The following SPON1 variants were observed in gnomAD, a reference collection of about 807,000 sequenced individuals.
The protein encoded by SPON1 is spondin-1.
In SPON1, 52 loss-of-function variants were observed where a neutral mutation model predicts 111.7. That is an observed-to-expected ratio of 0.47 (90% CI 0.37 to 0.59). The LOEUF is 0.59. Among genes scored for constraint, SPON1 ranks in the 20% least tolerant of loss-of-function variants. SPON1 has a pLI of 0.00. For synonymous variants in SPON1, 410 were observed against 395.8 expected (o/e 1.04, Z -0.43); for missense variants, 957 against 1,068.5 (o/e 0.90, Z 1.46).
chr11:14,125,608 C>T (rs1255867349), intron 5 of SPON1, among the ~76,000 whole-genome samples: 3 of 152,170 alleles, frequency 2.0e-5, no homozygotes, highest in Non-Finnish European at 4.4e-5. Context: ...TGTAGAGAAG[C>T]ATTATGAATG....
At chr11:14,132,740 C>G (rs1847542160) in intron 5 of SPON1, among the ~76,000 whole-genome samples, 1 of 152,108 alleles carries the variant, frequency 6.6e-6, no homozygotes, top group African/African-American at 2.4e-5. Flanking sequence ...TTCCCATTAT[C>G]TTATCATACA....
intron 4 of SPON1, among the ~76,000 whole-genome samples, chr11:14,076,442 G>A (rs1042651184): frequency 2.0e-5 from 3 of 152,154 alleles, no homozygotes; most frequent in Non-Finnish European, 2.9e-5. Context: ...GCTTTGCTAC[G>A]TGCCAATAAC....
At chr11:14,197,336 G>A (rs1554935179) in intron 6 of SPON1, among the ~76,000 whole-genome samples, 1 of 152,030 alleles carries the variant, frequency 6.6e-6, no homozygotes, top group Non-Finnish European at 1.5e-5. Context: ...TGTGCATAGT[G>A]AGTTGTTACG....
intron 5 of SPON1, among the ~76,000 whole-genome samples, chr11:14,128,070 G>C (rs1554927188): frequency 6.6e-6 from 1 of 152,138 alleles, no homozygotes; most frequent in African/African-American, 2.4e-5. Flanking sequence ...TTTGGGTGGA[G>C]ACACAGAGCC....
intron 6 of SPON1, among the ~76,000 whole-genome samples, chr11:14,170,085 C>T (rs1476933706): frequency 6.6e-6 from 1 of 152,102 alleles, no homozygotes; most frequent in African/African-American, 2.4e-5. Context: ...ATAACTTGGG[C>T]AGTATGGCCA....
At chr11:14,097,436 A>G (rs1229354538) in intron 5 of SPON1, among the ~76,000 whole-genome samples, 1 of 152,220 alleles carries the variant, frequency 6.6e-6, no homozygotes, top group Admixed American at 6.5e-5. Context: ...GTTAATTCCT[A>G]GAATTATTTT....
At chr11:14,200,547 T>C (rs1159053228) in intron 6 of SPON1, among the ~76,000 whole-genome samples, 1 of 152,126 alleles carries the variant, frequency 6.6e-6, no homozygotes, top group Non-Finnish European at 1.5e-5. Flanking sequence ...AGGATTTGTC[T>C]TAAAGTTATA....
chr11:13,990,998 C>G (rs1848225269), intron 2 of SPON1, among the ~76,000 whole-genome samples: 1 of 152,132 alleles, frequency 6.6e-6, no homozygotes, highest in South Asian at 2.1e-4. Context: ...TCTGGCTGCC[C>G]TTAACATTTT....
At chr11:14,118,503 G>A (rs1554926210) in intron 5 of SPON1, among the ~76,000 whole-genome samples, 1 of 152,206 alleles carries the variant, frequency 6.6e-6, no homozygotes, top group African/African-American at 2.4e-5. Flanking sequence ...TGTCTGAGAT[G>A]AGAATTAGGT....
intron 5 of SPON1, among the ~76,000 whole-genome samples, chr11:14,092,651 A>G (rs942954946): frequency 1.2e-4 from 19 of 152,184 alleles, no homozygotes; most frequent in African/African-American, 4.1e-4. Context: ...GAAGGGAGGC[A>G]GGGGAATCGC....
At chr11:13,984,678 G>A (rs1173073501) in intron 2 of SPON1, among the ~76,000 whole-genome samples, 2 of 152,260 alleles carry the variant, frequency 1.3e-5, no homozygotes, top group East Asian at 3.9e-4. Context: ...AAACTTTGGG[G>A]GACACATTCA....
At chr11:14,042,497 T>A (rs1848639521) in intron 3 of SPON1, among the ~76,000 whole-genome samples, 2 of 152,172 alleles carry the variant, frequency 1.3e-5, no homozygotes, top group Admixed American at 1.3e-4. Flanking sequence ...TTTAAATAGG[T>A]TTGAAGTCCT....
At chr11:14,233,912 G>A (rs1554938999) in intron 6 of SPON1, among the ~76,000 whole-genome samples, 3 of 151,860 alleles carry the variant, frequency 2.0e-5, no homozygotes, top group South Asian at 2.1e-4. Flanking sequence ...ACAGGTGCCC[G>A]CCACCATGCC....
intron 1 of SPON1, among the ~76,000 whole-genome samples, chr11:13,969,877 T>C (rs1360621868): frequency 1.3e-5 from 2 of 152,210 alleles, no homozygotes; most frequent in African/African-American, 4.8e-5. Context: ...GTTTCCTCAG[T>C]TGAGTAGCAG....
intron 4 of SPON1, among the ~76,000 whole-genome samples, chr11:14,079,595 C>A (rs1465719006): frequency 6.6e-6 from 1 of 152,008 alleles, no homozygotes; most frequent in East Asian, 1.9e-4. Context: ...TGAATTTTAC[C>A]CCTGATTTTT....
At chr11:14,265,428 G>C (rs930323611) in intron 15 of SPON1, 96 bp from the exon 16 acceptor site, 10 of 1,351,876 alleles carry the variant, frequency 7.4e-6, no homozygotes, top group Non-Finnish European at 1.0e-5. Flanking sequence ...AGCAGAGGAG[G>C]AGCCCAGACA....
At chr11:14,231,748 C>T (rs1848805169) in intron 6 of SPON1, among the ~76,000 whole-genome samples, 1 of 152,030 alleles carries the variant, frequency 6.6e-6, no homozygotes, top group South Asian at 2.1e-4. Flanking sequence ...CTTACAGATA[C>T]TCTTACTTGT....
At chr11:13,964,720 G>C (rs2697838) in intron 1 of SPON1, among the ~76,000 whole-genome samples, 2,379 of 152,290 alleles carry the variant, frequency 0.016, 76 homozygotes, top group African/African-American at 0.054. Context: ...ACCGCGGCTA[G>C]AGCGAGCCGC....
At chr11:14,200,626 C>T (rs1380444140) in intron 6 of SPON1, among the ~76,000 whole-genome samples, 3 of 151,656 alleles carry the variant, frequency 2.0e-5, no homozygotes, top group Admixed American at 6.6e-5. Flanking sequence ...CCAGCCTGGC[C>T]AACATGGGGA....
Sources: gnomAD v4.1 joint callset for allele counts (sites outside exome capture counted in the v4.1 genomes callset) on GRCh38, gnomAD v4.1.1 for gene constraint, MANE v1.5 for transcripts, NCBI Gene and HGNC (gene_info 2026-07-23, HGNC 2026-07-21) for gene names.